Variants in RBBP8 observed in about 807,000 individuals in gnomAD.
RBBP8 encodes the protein DNA endonuclease RBBP8.
RBBP8 carries 88 observed loss-of-function variants against 108.3 expected under a neutral mutation model. The ratio of observed to expected loss-of-function variants is 0.81; its 90% CI spans 0.68 to 0.97. The LOEUF is 0.97. RBBP8 is among the 50% of genes least tolerant of loss of function. The probability of loss-of-function intolerance (pLI) is 0.00; values close to 1 mark genes in which losing one functional copy is unlikely to be tolerated. For synonymous variants in RBBP8, 332 were observed against 348.2 expected (o/e 0.95, Z 0.52); for missense variants, 1,023 against 1,049.0 (o/e 0.98, Z 0.34).
Position 22,980,965 on chromosome 18 carries a change from CTTTTTTTTTTTTTTT to C in RBBP8, c.429-1242_429-1228del, listed in dbSNP as rs1167377654. On this transcript the variant is annotated intron_variant, in intron 6 of 18. Transcript: ENST00000327155. ...AATTGTAGGTGTGAGCCACTTATGT[CTTTTTTTTTTTTTTT>C]TTTTTTTTTTGAGACGGAGTCTCGC... Among the ~76,000 whole-genome samples, 2 of 69,490 alleles carry C rather than the reference CTTTTTTTTTTTTTTT, an allele frequency of 2.9e-5. 1 individual carries two copies. Among genetic ancestry groups the C allele is most frequent in the African/African-American group, 1.0e-4 (2 of 19,774 alleles). 45.6% of individuals were successfully genotyped at this position (69,490 alleles called of 152,430 possible). A position where few individuals can be genotyped will look rare whatever the true frequency, so the allele number is the denominator to read the frequency against.
At chr18:22,993,700 T>C (rs1171261239) in intron 11 of RBBP8, 21 bp from the exon 12 acceptor site, 1 of 1,614,206 alleles carries the variant, frequency 6.2e-7, no homozygotes, top group Admixed American at 1.7e-5. Context: ...CATTTAGAGC[T>C]AACAATTATT....
At chr18:22,931,480 T>C (rs1479274246), upstream of RBBP8, among the ~76,000 whole-genome samples, 1 of 152,206 alleles carries the variant, frequency 6.6e-6, no homozygotes, top group Non-Finnish European at 1.5e-5. Context: ...GGTCTCAAAG[T>C]AGACACAATT....
At chr18:22,995,004 G>T (rs957285356) in intron 12 of RBBP8, among the ~76,000 whole-genome samples, 2 of 151,864 alleles carry the variant, frequency 1.3e-5, no homozygotes, top group East Asian at 3.9e-4. Context: ...GGGATTACAG[G>T]TGTGAACCAC....
chr18:22,969,248 G>C (rs953153915), intron 5 of RBBP8, among the ~76,000 whole-genome samples: 1 of 151,064 alleles, frequency 6.6e-6, no homozygotes, highest in Non-Finnish European at 1.5e-5. Flanking sequence ...TTAATACTTA[G>C]TAAAGTTAAA....
rs560715653 is a variant in RBBP8, at chr18:22,976,040, A to G, written c.428+821A>G. Among the ~76,000 whole-genome samples the G allele has an allele frequency of 2.6e-5, 4 of 152,266 alleles. No homozygotes were observed. In the South Asian group the frequency reaches 8.3e-4, roughly 32 times the overall value. On this transcript the variant is annotated intron_variant, in intron 6 of 18. Coordinates refer to ENST00000327155, the MANE Select transcript of RBBP8 (RefSeq NM_002894.3). ...ATCCTAATGGCGTTATAGCGTTCCT[A>G]AAGATCCTGTTGCGTTTAAGTAGAC...
At chr18:22,997,312 TTACTA>T (rs1400395129) in intron 13 of RBBP8, among the ~76,000 whole-genome samples, 10 of 152,308 alleles carry the variant, frequency 6.6e-5, no homozygotes, top group Admixed American at 3.3e-4. Flanking sequence ...TTGATGTTCA[TTACTA>T]TAAGGCAAAT....
At chr18:22,915,735 T>A (rs1638649600) in intron 2 of RBBP8, among the ~76,000 whole-genome samples, 2 of 152,114 alleles carry the variant, frequency 1.3e-5, no homozygotes, top group Admixed American at 6.6e-5. Context: ...ATTTAAAAAA[T>A]TTAAACCACA....
intron 6 of RBBP8, among the ~76,000 whole-genome samples, chr18:22,975,436 A>G (rs1478237261): frequency 6.6e-6 from 1 of 152,118 alleles, no homozygotes; most frequent in Admixed American, 6.5e-5. Flanking sequence ...TAATTAAAAC[A>G]TTTTAATTTT....
chr18:22,981,081 C>T (rs1385914206), intron 6 of RBBP8, among the ~76,000 whole-genome samples: 1 of 148,090 alleles, frequency 6.8e-6, no homozygotes, highest in Non-Finnish European at 1.5e-5. Flanking sequence ...ACGCCATTCT[C>T]CTGCCTCAGT....
rs1567951928 is a variant in RBBP8 at position 22,946,520 on chromosome 18, T to C, written c.152+34T>C. On this transcript the variant is annotated intron_variant, in intron 3 of 18. Transcript: ENST00000327155. ...CAGTATGTAATACTCATGTGTTATT[T>C]ATAGAGTAGTTGATACTGATGTCCA... The C allele has an allele frequency of 4.3e-6, 7 of 1,610,008 alleles. No individual in the cohort carries two copies. In the Admixed American group the frequency reaches 1.0e-4, roughly 23 times the overall value.
intron 5 of RBBP8, among the ~76,000 whole-genome samples, chr18:22,972,656 C>T (rs1017911475): frequency 2.6e-5 from 4 of 151,968 alleles, no homozygotes; most frequent in African/African-American, 4.8e-5. Flanking sequence ...TCGGTTGATC[C>T]GCTTTGCATT....
In RBBP8 at chr18:22,927,686, G is replaced by T. The variant is rs77291091; in HGVS notation, c.-153-1697G>T. ...TTAAATAATATTTTAGATAAACTGGGTTAAATAAAATATATTAAGTTAATT... is the reference window on the plus strand; with the variant it reads ...TTAAATAATATTTTAGATAAACTGGTTTAAATAAAATATATTAAGTTAATT... On this transcript the variant is annotated intron_variant, in intron 3 of 4. Transcript: ENST00000577588. 1.6e-3 allele frequency among the ~76,000 whole-genome samples: 236 copies of T among 152,078 alleles called. 1 individual carries two copies. Among genetic ancestry groups the T allele is most frequent in the African/African-American group, 5.4e-3 (224 of 41,494 alleles).
At chr18:22,915,076 C>T (rs1909303074) in intron 1 of RBBP8, among the ~76,000 whole-genome samples, 1 of 151,962 alleles carries the variant, frequency 6.6e-6, no homozygotes, top group Admixed American at 6.6e-5. Flanking sequence ...ACCATCCTAC[C>T]CCTTTATTTA....
rs535572358 is a variant in RBBP8, at chr18:23,014,725, A to AT, written c.2358-2102dup. Among the ~76,000 whole-genome samples the AT allele has an allele frequency of 1.5e-4, 23 of 152,360 alleles. No homozygotes were observed. In the South Asian group the frequency reaches 4.8e-3, roughly 32 times the overall value. The stretch of plus-strand genomic sequence containing the variant: ...AACGTACTCCATAGCATATTAATCC[A>AT]TACCTAGTGGCTTTGACCCTCCTAG... On this transcript the variant is annotated intron_variant, in intron 16 of 18. Transcript: ENST00000327155.
At chr18:22,925,704 C>T (rs902163694) in intron 3 of RBBP8, among the ~76,000 whole-genome samples, 1 of 152,150 alleles carries the variant, frequency 6.6e-6, no homozygotes, top group East Asian at 1.9e-4. Context: ...TCAAAGAATT[C>T]TTTAATTAAT....
rs2144820110 is a variant in RBBP8, at chr18:23,016,802, G to C, written c.2358-26G>C. On this transcript the variant is annotated intron_variant, in intron 16 of 18. Coordinates refer to ENST00000327155, the MANE Select transcript of RBBP8 (RefSeq NM_002894.3). ...ATTTCTCCTCTGAACTCTAAGCTTT[G>C]TTAATTTAATTCATTTTTCCCCCAG... 3 of 1,480,402 alleles carry C rather than the reference G, an allele frequency of 2.0e-6. No homozygotes were observed. The South Asian group carries it at 3.4e-5, about 17-fold the overall frequency. 91.7% of individuals were successfully genotyped at this position (1,480,402 alleles called of 1,614,324 possible).
At chr18:22,959,556 GAC>G (rs1275271888) in intron 4 of RBBP8, among the ~76,000 whole-genome samples, 2 of 152,084 alleles carry the variant, frequency 1.3e-5, no homozygotes, top group African/African-American at 4.8e-5. Context: ...CTTAGTCAGA[GAC>G]TGATTTTTTA....
chr18:23,004,306 T>A (rs879841440), intron 15 of RBBP8, among the ~76,000 whole-genome samples: 6 of 151,924 alleles, frequency 3.9e-5, no homozygotes, highest in Admixed American at 2.0e-4. Flanking sequence ...CACATATACA[T>A]AGACACACAA....
chr18:23,020,584 A>G (rs770053831), intron 17 of RBBP8, among the ~76,000 whole-genome samples: 1 of 151,950 alleles, frequency 6.6e-6, no homozygotes, highest in Non-Finnish European at 1.5e-5. Flanking sequence ...CTCAGCAATG[A>G]ATGGCCTTTT....
Sources: gnomAD v4.1 joint callset for allele counts (sites outside exome capture counted in the v4.1 genomes callset) on GRCh38, gnomAD v4.1.1 for gene constraint, MANE v1.5 for transcripts, NCBI Gene and HGNC (gene_info 2026-07-23, HGNC 2026-07-21) for gene names.